Variants in ESR1 observed in about 807,000 individuals in gnomAD.
The protein encoded by ESR1 is estrogen receptor 1.
ESR1 carries 12 observed loss-of-function variants against 52.7 expected under a neutral mutation model. The ratio of observed to expected loss-of-function variants is 0.23; its 90% confidence interval spans 0.15 to 0.37. The LOEUF (loss-of-function observed/expected upper bound fraction) is 0.37, where lower values mean the gene tolerates loss of function less well. ESR1 is among the 10% of genes least tolerant of loss of function. The pLI is 1.00. For synonymous variants in ESR1, 305 were observed against 316.8 expected (o/e 0.96, Z 0.39); for missense variants, 584 against 779.7 (o/e 0.75, Z 2.99).
chr6:151,966,785 G>T (rs1233007704), intron 4 of ESR1, among the ~76,000 whole-genome samples: 1 of 152,190 alleles, frequency 6.6e-6, no homozygotes, highest in African/African-American at 2.4e-5. Context: ...ATCCACAGCT[G>T]ATTAGGAGTA....
chr6:151,807,656 T>TA (rs1401303394), upstream of ESR1: 2 of 589,496 alleles, frequency 3.4e-6, no homozygotes, highest in African/African-American at 3.7e-5. Flanking sequence ...GACCAGTACT[T>TA]AAAGTTGGAG....
chr6:151,913,526 A>T (rs1328697845), intron 3 of ESR1, among the ~76,000 whole-genome samples: 1 of 152,248 alleles, frequency 6.6e-6, no homozygotes, highest in African/African-American at 2.4e-5. Context: ...TATTAAAATG[A>T]CAATTTAACT....
chr6:151,893,528 G>A (rs965189299), intron 3 of ESR1, among the ~76,000 whole-genome samples: 15 of 151,254 alleles, frequency 9.9e-5, no homozygotes, highest in African/African-American at 1.9e-4. Context: ...ATTTTTAAAC[G>A]CTTGCTTTAC....
intron 3 of ESR1, among the ~76,000 whole-genome samples, chr6:151,883,349 A>T (rs1185803469): frequency 1.3e-5 from 2 of 150,120 alleles, no homozygotes. Context: ...GCTGGTCTTG[A>T]ACTCTTGACC....
chr6:151,747,246 T>C (rs1033159175), intron 2 of ESR1, among the ~76,000 whole-genome samples: 4 of 152,234 alleles, frequency 2.6e-5, no homozygotes, highest in Non-Finnish European at 4.4e-5. Flanking sequence ...GAGGGAACAC[T>C]GGGAGATTCA....
intron 1 of ESR1, among the ~76,000 whole-genome samples, chr6:151,701,046 G>A (rs1237376908): frequency 6.6e-6 from 1 of 152,120 alleles, no homozygotes; most frequent in African/African-American, 2.4e-5. Context: ...ATAGGGAAAA[G>A]CTGTATTAAG....
chr6:151,901,150 C>T (rs1045548347), intron 3 of ESR1, among the ~76,000 whole-genome samples: 3 of 152,100 alleles, frequency 2.0e-5, no homozygotes, highest in Admixed American at 6.5e-5. Flanking sequence ...GTGAGGTTCC[C>T]AGGTCAATGG....
rs1053019026 is a variant in ESR1, at chr6:152,053,551, CCT to C, written c.1236-7435_1236-7434del. On this transcript the variant is annotated intron_variant, in intron 5 of 7. Coordinates refer to ENST00000206249, the MANE Select transcript of ESR1 (RefSeq NM_000125.4). The surrounding 1 kb of genome is among the most constrained non-coding windows in gnomAD (Gnocchi z 4.1). ...ATCTCTCTCTTCCTCTCTCTCTTATCCTCTCTTTCTCTCAATCCCTCTCTCCC... is the reference window on the plus strand; with the variant it reads ...ATCTCTCTCTTCCTCTCTCTCTTATCCTCTTTCTCTCAATCCCTCTCTCCC... Among the ~76,000 whole-genome samples, 26 of 151,146 alleles carry C rather than the reference CCT, an allele frequency of 1.7e-4. No individual in the cohort carries two copies. The highest frequency in any genetic ancestry group is 2.8e-4 in the Non-Finnish European group (19 of 67,768).
intron 3 of ESR1, among the ~76,000 whole-genome samples, chr6:151,926,780 A>G (rs936294069): frequency 6.6e-6 from 1 of 152,082 alleles, no homozygotes; most frequent in Non-Finnish European, 1.5e-5. Flanking sequence ...TGCATAGATA[A>G]TCATGCCATC....
chr6:151,880,433 G>A (rs1431004314), intron 2 of ESR1, among the ~76,000 whole-genome samples: 3 of 151,818 alleles, frequency 2.0e-5, no homozygotes, highest in South Asian at 2.1e-4. Flanking sequence ...CACCTGCCTC[G>A]GCCTCCCAAA....
chr6:151,700,668 CTTTTTTT>C (rs34905961), intron 1 of ESR1, among the ~76,000 whole-genome samples: 10 of 117,202 alleles, frequency 8.5e-5, no homozygotes, highest in East Asian at 7.1e-4. Flanking sequence ...TTAAACTTTC[CTTTTTTT>C]TTTTTTTTTT....
At chr6:151,719,556 A>G (rs985019272) in intron 2 of ESR1, among the ~76,000 whole-genome samples, 3 of 152,166 alleles carry the variant, frequency 2.0e-5, no homozygotes, top group African/African-American at 7.2e-5. Context: ...CAAGGGAGAA[A>G]AGATTGGAGG....
chr6:151,675,755 A>G (rs1778228583), intron 1 of ESR1, among the ~76,000 whole-genome samples: 1 of 152,218 alleles, frequency 6.6e-6, no homozygotes, highest in Non-Finnish European at 1.5e-5. Flanking sequence ...TTTGGCCATT[A>G]AACATTAAGC....
chr6:152,123,843 T>C (rs2052349375), intron 6 of ESR1, among the ~76,000 whole-genome samples: 2 of 152,134 alleles, frequency 1.3e-5, no homozygotes, highest in Admixed American at 1.3e-4. Flanking sequence ...TAACTGTAGG[T>C]TTGGTCCAGA....
chr6:151,769,093 A>G (rs1207705728), intron 2 of ESR1, among the ~76,000 whole-genome samples: 1 of 152,162 alleles, frequency 6.6e-6, no homozygotes, highest in Non-Finnish European at 1.5e-5. Context: ...ACATTTTATT[A>G]TCTTGATATT....
chr6:152,096,711 A>G, intron 7 of ESR1: 1 of 455,990 alleles, frequency 2.2e-6, no homozygotes, highest in Non-Finnish European at 4.4e-6. Context: ...TGTCAGGTAG[A>G]GTAGGTGACT....
chr6:151,726,597 A>C (rs1781864581), intron 2 of ESR1, among the ~76,000 whole-genome samples: 1 of 152,188 alleles, frequency 6.6e-6, no homozygotes, highest in South Asian at 2.1e-4. Flanking sequence ...CGGCCTCCCA[A>C]AGTGCTGGGA....
intron 1 of ESR1, among the ~76,000 whole-genome samples, chr6:151,668,645 C>T (rs931621788): frequency 6.6e-6 from 1 of 152,130 alleles, no homozygotes; most frequent in Non-Finnish European, 1.5e-5. Flanking sequence ...GAAGGGCCCT[C>T]ATGCCTAATC....
At chr6:151,703,047 G>A (rs948004345) in intron 2 of ESR1, among the ~76,000 whole-genome samples, 2 of 152,116 alleles carry the variant, frequency 1.3e-5, no homozygotes, top group Admixed American at 1.3e-4. Flanking sequence ...TAGGACCTAG[G>A]TCTGTCTGCC....
Sources: gnomAD v4.1 joint callset for allele counts (sites outside exome capture counted in the v4.1 genomes callset) on GRCh38, gnomAD v4.1.1 for gene constraint, Gnocchi (gnomAD v3.1) non-coding constraint, MANE v1.5 for transcripts, NCBI Gene and HGNC (gene_info 2026-07-23, HGNC 2026-07-21) for gene names.